The following GSTM2 variants were observed in gnomAD, a reference collection of about 807,000 sequenced individuals.
GSTM2 encodes the protein GST class-mu 2.
Under a neutral mutation model 33.3 loss-of-function variants are expected in GSTM2, and 33 were observed. The ratio of observed to expected loss-of-function variants is 0.99; its 90% confidence interval spans 0.75 to 1.33. The LOEUF is 1.33. GSTM2 is among the 40% of genes most tolerant of loss of function. The pLI, the probability that GSTM2 is intolerant of heterozygous loss-of-function variation, is 0.00. For missense variants in GSTM2, 213 were observed against 265.8 expected (o/e 0.80, Z 1.38); for synonymous variants, 93 against 95.6 (o/e 0.97, Z 0.16).
At chr1:109,673,208 C>T (rs1647608498) in intron 7 of GSTM2, 1 of 1,611,828 alleles carries the variant, frequency 6.2e-7, no homozygotes, top group African/African-American at 1.3e-5. Flanking sequence ...TCCAGGTGTT[C>T]CCCCTGTGAG....
In GSTM2 at chr1:109,668,104, G is replaced by A. The variant is rs575526712; in HGVS notation, c.-12G>A. On this transcript the variant is annotated 5_prime_UTR_variant, in exon 1 of 8. Transcript: ENST00000241337. ...CTGAGGCCTGTCTGCAGAATCCACA[G>A]CAACCAGCACCATGCCCATGACACT... 5 of 1,612,982 alleles carry A rather than the reference G, an allele frequency of 3.1e-6. No individual in the cohort carries two copies. Among genetic ancestry groups the A allele is most frequent in the African/African-American group, 1.3e-5 (1 of 75,024 alleles).
At chr1:109,669,014 T>C (rs762631602) in intron 3 of GSTM2, 25 bp downstream of exon 3, 3 of 1,610,522 alleles carry the variant, frequency 1.9e-6, no homozygotes, top group Non-Finnish European at 2.5e-6. Flanking sequence ...AGGGGCGGTT[T>C]TGGGGGAAAG....
downstream of GSTM2, among the ~76,000 whole-genome samples, chr1:109,676,086 T>C (rs576557947): frequency 6.6e-6 from 1 of 152,292 alleles, no homozygotes; most frequent in Non-Finnish European, 1.5e-5. Context: ...GTGAGACTTA[T>C]TCACTACCGT....
chr1:109,678,154 CT>C (rs917417443), downstream of GSTM2, among the ~76,000 whole-genome samples: 13 of 151,900 alleles, frequency 8.6e-5, no homozygotes, highest in Non-Finnish European at 1.3e-4. Context: ...CATTTTACTT[CT>C]TTTTTTTGAG....
rs959485000 is a variant in GSTM2, at chr1:109,669,066, G to A, written c.177+77G>A. The A allele has an allele frequency of 1.1e-5, 16 of 1,498,302 alleles. 1 individual carries two copies. The South Asian group carries it at 1.6e-4, about 15-fold the overall frequency. The allele number at this position is 1,498,302 out of a possible 1,614,324, so 92.8% of individuals were successfully genotyped here. The stretch of plus-strand genomic sequence containing the variant: ...CTGCATCTCCTCTCCCCAGCTTAGA[G>A]GTGTTAAGATCAGGAGTCTTCTGCC... On this transcript the variant is annotated intron_variant, in intron 3 of 7. Coordinates refer to ENST00000241337, the MANE Select transcript of GSTM2 (RefSeq NM_000848.4).
At chr1:109,672,556 A>G (rs655315) in intron 7 of GSTM2, among the ~76,000 whole-genome samples, 63,215 of 151,594 alleles carry the variant, frequency 0.42, 14,815 homozygotes, top group East Asian at 0.68. Flanking sequence ...TTTTGTGACA[A>G]AAGAAAAGCC....
downstream of GSTM2, among the ~76,000 whole-genome samples, chr1:109,678,771 A>C (rs957560636): frequency 7.2e-5 from 11 of 152,106 alleles, no homozygotes; most frequent in African/African-American, 7.2e-5. Flanking sequence ...AAAAAAAAAA[A>C]AAAACAAACT....
intron 7 of GSTM2, among the ~76,000 whole-genome samples, chr1:109,673,849 T>C (rs1647627825): frequency 6.6e-6 from 1 of 152,226 alleles, no homozygotes; most frequent in Non-Finnish European, 1.5e-5. Context: ...TCCACTCGTC[T>C]CGGCCTTCCA....
In GSTM2 at chr1:109,669,355, C is replaced by T; in HGVS notation, c.243C>T (p.Ala81=). The T allele has an allele frequency of 1.2e-6, 2 of 1,614,236 alleles. No individual in the cohort carries two copies. The highest frequency in any genetic ancestry group is 1.7e-6 in the Non-Finnish European group (2 of 1,180,038). The change falls in exon 4 of 8, where the codon GCC becomes GCT. Residue 81 remains alanine, a synonymous_variant. Coordinates refer to ENST00000241337, the MANE Select transcript of GSTM2 (RefSeq NM_000848.4). ...TQSNAILRYI[A]RKHNLCGESE... ...GCAACGCCATCCTGCGGTACATTGC[C>T]CGCAAGCACAACCTGTGTGAGTAGA...
chr1:109,671,631 T>G (rs770013047), intron 7 of GSTM2, 48 bp downstream of exon 7: 2 of 1,033,568 alleles, frequency 1.9e-6, no homozygotes, highest in South Asian at 2.5e-5. Flanking sequence ...TTCCTTTCCC[T>G]CCTTTGTGAT....
In GSTM2 at chr1:109,673,175, C is replaced by T. The variant is rs749899234; in HGVS notation, c.568-1572C>T. 3.7e-4 allele frequency: 599 copies of T among 1,609,972 alleles called. 1 individual carries two copies. Among genetic ancestry groups the T allele is most frequent in the Non-Finnish European group, 4.8e-4 (567 of 1,179,344 alleles). On this transcript the variant is annotated intron_variant, in intron 7 of 7. Coordinates refer to ENST00000241337, the MANE Select transcript of GSTM2 (RefSeq NM_000848.4). ...GTGAGCCACCGCGCCTGGCCTCTTCCTCTCTTTTTTTCCCTCCAATGTTCC... is the reference window on the plus strand; with the variant it reads ...GTGAGCCACCGCGCCTGGCCTCTTCTTCTCTTTTTTTCCCTCCAATGTTCC...
Position 109,669,476 on chromosome 1 carries a change from G to A in GSTM2, c.265G>A (p.Glu89Lys), listed in dbSNP as rs1433281618. The A allele has an allele frequency of 6.2e-7, 1 of 1,613,806 alleles. No individual in the cohort carries two copies. The highest frequency in any genetic ancestry group is 1.3e-5 in the African/African-American group (1 of 74,900). ...AATCTGCTTTACGAGGGTAGGCGGGGAATCAGAAAAGGAGCAGATTCGCGA... is the reference window on the plus strand; with the variant it reads ...AATCTGCTTTACGAGGGTAGGCGGGAAATCAGAAAAGGAGCAGATTCGCGA... Reference protein sequence around the residue: ...YIARKHNLCGESEKEQIREDI... With the variant: ...YIARKHNLCGKSEKEQIREDI... Residue 89 changes from glutamate to lysine, a missense_variant, in exon 5 of 8, where the codon GAA becomes AAA. Physicochemically the swap from Glu to Lys is moderately conservative, Grantham distance 56. Transcript: ENST00000241337.
At position 109,671,320 on chromosome 1, in the gene GSTM2, C is replaced by G; in HGVS notation, c.394C>G (p.Pro132Ala). ...KLKPEYLQAL[P>A]EMLKLYSQFL... ...GAAACCAGAATACCTGCAGGCACTC[C>G]CTGAAATGCTGAAGCTCTACTCACA... The change falls in exon 6 of 8, where the codon CCT becomes GCT. Residue 132 changes from proline to alanine, a missense_variant. Physicochemically the swap from Pro to Ala is conservative, Grantham distance 27 (BLOSUM62 -1). Transcript: ENST00000241337. 6.2e-7 allele frequency: 1 copy of G among 1,614,068 alleles called. No individual in the cohort carries two copies.
chr1:109,674,734 T>C lies in GSTM2; in HGVS notation c.568-13T>C, dbSNP rs1557959908. ...CTGACCTTGAGTTCTGGCCTTATTT[T>C]CCCCCCTCTCAGGGCTTGGAGAAGA... On this transcript the variant is annotated splice_polypyrimidine_tract_variant and intron_variant, in intron 7 of 7. Coordinates refer to ENST00000241337, the MANE Select transcript of GSTM2 (RefSeq NM_000848.4). 1.2e-6 allele frequency: 2 copies of C among 1,613,960 alleles called. No individual in the cohort carries two copies. Among genetic ancestry groups the C allele is most frequent in the Non-Finnish European group, 1.7e-6 (2 of 1,179,954 alleles).
At position 109,669,584 on chromosome 1, in the gene GSTM2, AC is replaced by A; in HGVS notation, c.360+17del. On this transcript the variant is annotated intron_variant, in intron 5 of 7. Transcript: ENST00000241337. Reference sequence around the variant, plus strand: ...TGACCCAGATTTTGTAAGTCCCCCCACCCCACTCCCAGTCTCCCCTTCCCTA... The same window carrying A: ...TGACCCAGATTTTGTAAGTCCCCCCACCCACTCCCAGTCTCCCCTTCCCTA... 3 of 1,517,752 alleles carry A rather than the reference AC, an allele frequency of 2.0e-6. No individual in the cohort carries two copies. Among genetic ancestry groups the A allele is most frequent in the Non-Finnish European group, 2.7e-6 (3 of 1,094,686 alleles). The allele number at this position is 1,517,752 out of a possible 1,614,324, so 94.0% of individuals were successfully genotyped here. A position where few individuals can be genotyped will look rare whatever the true frequency, so the allele number is the denominator to read the frequency against.
intron 7 of GSTM2, among the ~76,000 whole-genome samples, chr1:109,674,210 C>T (rs1421376567): frequency 1.3e-5 from 2 of 152,006 alleles, no homozygotes; most frequent in African/African-American, 4.8e-5. Context: ...CCCAGACAAG[C>T]CAAGAGCCTC....
chr1:109,668,342 G>A (rs547431643), intron 1 of GSTM2, 83 bp from the exon 2 acceptor site: 3 of 1,492,818 alleles, frequency 2.0e-6, no homozygotes, highest in Admixed American at 3.3e-5. Flanking sequence ...ACGAGAGGAG[G>A]AGATGGGGCT....
At chr1:109,674,175 T>C (rs1022196512) in intron 7 of GSTM2, among the ~76,000 whole-genome samples, 1 of 152,154 alleles carries the variant, frequency 6.6e-6, no homozygotes, top group Non-Finnish European at 1.5e-5. Flanking sequence ...TTTGTTCTGC[T>C]GGAGGTCCCT....
rs1647454892 is a variant in GSTM2, at chr1:109,669,529, C to G, written c.318C>G (p.Asp106Glu). 2 of 1,612,452 alleles carry G rather than the reference C, an allele frequency of 1.2e-6. No individual in the cohort carries two copies. The highest frequency in any genetic ancestry group is 1.7e-5 in the Admixed American group (1 of 59,980). The part of the protein sequence containing the change: ...REDILENQFM[D>E]SRMQLAKLCY... Reference sequence around the variant, plus strand: ...ACATTTTGGAGAACCAGTTTATGGACAGCCGTATGCAGCTGGCCAAACTCT... The same window carrying G: ...ACATTTTGGAGAACCAGTTTATGGAGAGCCGTATGCAGCTGGCCAAACTCT... Residue 106 changes from aspartate to glutamate, a missense_variant, in exon 5 of 8, where the codon GAC becomes GAG. Coordinates refer to ENST00000241337, the MANE Select transcript of GSTM2 (RefSeq NM_000848.4).
Sources: allele counts gnomAD v4.1 joint callset (sites outside exome capture counted in the v4.1 genomes callset), GRCh38; gene constraint gnomAD v4.1.1; transcripts MANE v1.5; gene names NCBI Gene and HGNC (gene_info 2026-07-23, HGNC 2026-07-21).